Variants in NEGR1 observed in about 807,000 individuals in gnomAD.
NEGR1 encodes the protein IgLON family member 4.
Under a neutral mutation model 40.9 loss-of-function variants are expected in NEGR1, and 10 were observed. That is an observed-to-expected ratio of 0.24 (90% CI 0.15 to 0.42). The LOEUF (loss-of-function observed/expected upper bound fraction) is 0.42, where lower values mean the gene tolerates loss of function less well. Among genes scored for constraint, NEGR1 ranks in the 10% least tolerant of loss-of-function variants. NEGR1 has a pLI of 1.00. For missense variants in NEGR1, 352 were observed against 438.9 expected (o/e 0.80, Z 1.77); for synonymous variants, 185 against 166.8 (o/e 1.11, Z -0.84).
chr1:71,412,037 A>G (rs1458046348), intron 6 of NEGR1, among the ~76,000 whole-genome samples: 2 of 151,996 alleles, frequency 1.3e-5, no homozygotes, highest in Non-Finnish European at 2.9e-5. Flanking sequence ...CTCACCTTCA[A>G]GTATTCCCCA....
intron 1 of NEGR1, among the ~76,000 whole-genome samples, chr1:72,015,717 T>C (rs1408965138): frequency 6.6e-6 from 1 of 152,132 alleles, no homozygotes; most frequent in Non-Finnish European, 1.5e-5. Flanking sequence ...GGTATTTTGC[T>C]AGTTGTTGGG....
chr1:72,174,586 A>G (rs1652095287), intron 1 of NEGR1, among the ~76,000 whole-genome samples: 1 of 152,106 alleles, frequency 6.6e-6, no homozygotes, highest in African/African-American at 2.4e-5. Context: ...TTTTACACGT[A>G]AGTTAACTGA....
At chr1:71,971,758 G>A (rs764711142) in intron 1 of NEGR1, among the ~76,000 whole-genome samples, 4 of 151,962 alleles carry the variant, frequency 2.6e-5, no homozygotes, top group African/African-American at 7.3e-5. Context: ...ATTTTCAGTC[G>A]TTAATCAAAA....
At chr1:71,460,714 A>C (rs1332329986) in intron 6 of NEGR1, among the ~76,000 whole-genome samples, 1 of 152,194 alleles carries the variant, frequency 6.6e-6, no homozygotes, top group Admixed American at 6.5e-5. Flanking sequence ...GTGATAAAGC[A>C]GGGAAAATTT....
chr1:71,679,999 T>C (rs1241096941), intron 4 of NEGR1, among the ~76,000 whole-genome samples: 2 of 152,110 alleles, frequency 1.3e-5, no homozygotes, highest in Non-Finnish European at 2.9e-5. Context: ...GATATTTTTA[T>C]ACATTGCTGG....
At chr1:72,208,381 G>T (rs1030790630) in intron 1 of NEGR1, among the ~76,000 whole-genome samples, 3 of 151,670 alleles carry the variant, frequency 2.0e-5, no homozygotes, top group African/African-American at 2.4e-5. Flanking sequence ...TCTCTGAATA[G>T]AAATGGGACT....
At chr1:71,418,900 T>C (rs971162886) in intron 6 of NEGR1, among the ~76,000 whole-genome samples, 23 of 152,224 alleles carry the variant, frequency 1.5e-4, no homozygotes, top group African/African-American at 4.8e-4. Context: ...AATTACTCTT[T>C]TTATTTCCAT....
At chr1:71,760,565 T>G (rs1407600402) in intron 3 of NEGR1, among the ~76,000 whole-genome samples, 1 of 152,230 alleles carries the variant, frequency 6.6e-6, no homozygotes, top group Non-Finnish European at 1.5e-5. Context: ...ATCCATTATG[T>G]AAAGCCATTT....
chr1:71,796,779 C>A (rs1200741583), intron 2 of NEGR1, among the ~76,000 whole-genome samples: 1 of 152,064 alleles, frequency 6.6e-6, no homozygotes, highest in Non-Finnish European at 1.5e-5. Flanking sequence ...TACAAAAAGA[C>A]ATCACAAAAG....
intron 2 of NEGR1, among the ~76,000 whole-genome samples, chr1:71,797,719 A>G (rs1031700091): frequency 6.6e-6 from 1 of 152,112 alleles, no homozygotes. Flanking sequence ...AAGTTTCAGA[A>G]TGGCTCTGAA....
intron 2 of NEGR1, among the ~76,000 whole-genome samples, chr1:71,841,238 CATA>C (rs573909198): frequency 3.1e-3 from 476 of 152,184 alleles, no homozygotes; most frequent in Non-Finnish European, 5.5e-3. Flanking sequence ...TCAATTTCTG[CATA>C]ATAACATAAT....
chr1:71,906,381 G>T (rs376845506), intron 2 of NEGR1, among the ~76,000 whole-genome samples: 42 of 150,194 alleles, frequency 2.8e-4, no homozygotes, highest in African/African-American at 1.0e-3. Context: ...CCCCTAAAAC[G>T]CTATTGAAAT....
intron 1 of NEGR1, among the ~76,000 whole-genome samples, chr1:72,080,693 G>T (rs1356963316): frequency 6.6e-6 from 1 of 152,048 alleles, no homozygotes; most frequent in Non-Finnish European, 1.5e-5. Context: ...GCTATGGGCT[G>T]CAATTTTCTC....
intron 3 of NEGR1, among the ~76,000 whole-genome samples, chr1:71,769,941 T>C (rs371075741): frequency 6.6e-6 from 1 of 152,210 alleles, no homozygotes; most frequent in African/African-American, 2.4e-5. Flanking sequence ...CATTTTGTAT[T>C]TGAAGTTTAA....
intron 6 of NEGR1, among the ~76,000 whole-genome samples, chr1:71,562,893 C>T (rs1371481789): frequency 1.3e-5 from 2 of 151,948 alleles, no homozygotes; most frequent in African/African-American, 4.8e-5. Flanking sequence ...TCATATTCTT[C>T]TCATGGCAGA....
At chr1:71,523,167 G>A (rs527802210) in intron 6 of NEGR1, among the ~76,000 whole-genome samples, 1 of 151,856 alleles carries the variant, frequency 6.6e-6, no homozygotes, top group African/African-American at 2.4e-5. Flanking sequence ...GAGCAGGTAA[G>A]TTTGGGTTGT....
chr1:72,265,344 G>A (rs1261559662), intron 1 of NEGR1, among the ~76,000 whole-genome samples: 1 of 150,750 alleles, frequency 6.6e-6, no homozygotes, highest in African/African-American at 2.4e-5. Flanking sequence ...AGGTCAATCA[G>A]TTTCAATATT....
intron 3 of NEGR1, among the ~76,000 whole-genome samples, chr1:71,749,124 T>C (rs1207739496): frequency 1.3e-5 from 2 of 152,194 alleles, no homozygotes; most frequent in East Asian, 3.8e-4. Flanking sequence ...ATAATGTTTA[T>C]AATCACAGCA....
Position 72,282,462 on chromosome 1 carries a change from A to G in NEGR1, c.33T>C (p.Cys11=). The change falls in exon 1 of 7, where the codon TGT becomes TGC. Residue 11 remains cysteine (C), a synonymous_variant. Transcript: ENST00000357731. ...CCGCCGCCAGCCACTGGTTCGAGCAACAAGCACCCTGCACCAACAGCATCA... is the reference window on the plus strand; with the variant it reads ...CCGCCGCCAGCCACTGGTTCGAGCAGCAAGCACCCTGCACCAACAGCATCA... The part of the protein sequence containing the change: MDMMLLVQGA[C]CSNQWLAAVL... 1 of 1,613,612 alleles carries G rather than the reference A, an allele frequency of 6.2e-7. No individual in the cohort carries two copies. The highest frequency in any genetic ancestry group is 8.5e-7 in the Non-Finnish European group (1 of 1,179,984).
Sources: allele counts gnomAD v4.1 joint callset (sites outside exome capture counted in the v4.1 genomes callset), GRCh38; gene constraint gnomAD v4.1.1; transcripts MANE v1.5; gene names NCBI Gene and HGNC (gene_info 2026-07-23, HGNC 2026-07-21).